EVL: variants seen among roughly 807,000 people sequenced by gnomAD.
EVL encodes Enah/Vasp-like.
In EVL, 21 loss-of-function variants were observed where a neutral mutation model predicts 59.6. The observed-to-expected ratio is 0.35, with a 90% CI of 0.25 to 0.51. The LOEUF (loss-of-function observed/expected upper bound fraction) is 0.51, where lower values mean the gene tolerates loss of function less well. Ranked by LOEUF, EVL falls within the 20% of genes least tolerant of loss-of-function variation. The pLI is 0.97. For synonymous variants in EVL, 198 were observed against 203.5 expected (o/e 0.97, Z 0.23); for missense variants, 462 against 546.6 (o/e 0.85, Z 1.54).
At chr14:100,098,396 G>A (rs986614789) in intron 3 of EVL, among the ~76,000 whole-genome samples, 5 of 152,120 alleles carry the variant, frequency 3.3e-5, no homozygotes, top group Admixed American at 1.3e-4. Flanking sequence ...GGAAGAGGGC[G>A]ATGCAGCATT....
chr14:100,005,379 T>C (rs1595557099), intron 1 of EVL, among the ~76,000 whole-genome samples: 1 of 152,176 alleles, frequency 6.6e-6, no homozygotes, highest in Non-Finnish European at 1.5e-5. Context: ...TTAAAAATTA[T>C]ACAAGCAAAG....
chr14:100,037,724 C>T lies in EVL; in HGVS notation c.6-46963C>T, dbSNP rs140400071. Among the ~76,000 whole-genome samples the T allele has an allele frequency of 2.7e-3, 406 of 152,318 alleles. 2 individuals are homozygous for T. The highest frequency in any genetic ancestry group is 9.7e-3 in the African/African-American group (403 of 41,554). Reference sequence around the variant, plus strand: ...ACATGGTATTTACCTTTCGCTTCCCCAGAGCAGACATGGCCAGTTCCCTTG... The same window carrying T: ...ACATGGTATTTACCTTTCGCTTCCCTAGAGCAGACATGGCCAGTTCCCTTG... On this transcript the variant is annotated intron_variant, in intron 1 of 13. Transcript: ENST00000402714.
At chr14:99,982,344 C>G (rs2060812415) in intron 1 of EVL, among the ~76,000 whole-genome samples, 1 of 152,108 alleles carries the variant, frequency 6.6e-6, no homozygotes, top group Non-Finnish European at 1.5e-5. Flanking sequence ...AGATGGTATA[C>G]TATAATTTAT....
In EVL at chr14:99,972,283, G is replaced by T. The variant is rs998170175; in HGVS notation, c.5+226G>T. ...AGCCGGGAGGGTCTGCAGGGCTTGTGGGGGGCAGTGTTCTGCAAGGGGCAG... is the reference window on the plus strand; with the variant it reads ...AGCCGGGAGGGTCTGCAGGGCTTGTTGGGGGCAGTGTTCTGCAAGGGGCAG... On this transcript the variant is annotated intron_variant, in intron 1 of 13. Transcript: ENST00000402714. This position sits in a 1 kb window ranked among gnomAD's most constrained non-coding sequence, Gnocchi z 4.4. 2.0e-5 allele frequency among the ~76,000 whole-genome samples: 3 copies of T among 152,126 alleles called. No individual in the cohort carries two copies. The highest frequency in any genetic ancestry group is 1.3e-4 in the Admixed American group (2 of 15,284).
In EVL at chr14:100,141,587, G is replaced by A. The variant is rs1324037933; in HGVS notation, c.1162-149G>A. The A allele has an allele frequency of 1.9e-5, 13 of 691,406 alleles. 1 individual carries two copies. Among genetic ancestry groups the A allele is most frequent in the South Asian group, 1.8e-4 (9 of 48,730 alleles). The allele number at this position is 691,406 out of a possible 1,614,324, so 42.8% of individuals were successfully genotyped here. On this transcript the variant is annotated intron_variant, in intron 12 of 13. Coordinates refer to ENST00000392920, the MANE Select transcript of EVL (RefSeq NM_016337.3). ...GCCTCCCATGCCGTCCCCCCTCAGC[G>A]TGGGAAGGGGGCCACGAGGAGACAA...
upstream of EVL, among the ~76,000 whole-genome samples, chr14:100,064,188 A>G (rs895701199): frequency 6.6e-6 from 1 of 150,970 alleles, no homozygotes; most frequent in Admixed American, 6.6e-5. Flanking sequence ...CTTCTTTTGT[A>G]CTGTACTCTG....
In EVL at chr14:100,130,841, A is replaced by C. The variant is rs112069862; in HGVS notation, c.839+1157A>C. Among the ~76,000 whole-genome samples, 4 of 152,214 alleles carry C rather than the reference A, an allele frequency of 2.6e-5. No individual in the cohort carries two copies. The highest frequency in any genetic ancestry group is 5.9e-5 in the Non-Finnish European group (4 of 68,044). On this transcript the variant is annotated intron_variant, in intron 7 of 13. Coordinates refer to ENST00000392920, the MANE Select transcript of EVL (RefSeq NM_016337.3). The surrounding 1 kb of genome is among the most constrained non-coding windows in gnomAD (Gnocchi z 4.8). ...CAGCACGGGCGTCTCCGGAGCCTCT[A>C]CTGGGCCTGGGCGTTTGTACATCGC...
At chr14:100,067,720 T>G (rs2061962043) in intron 1 of EVL, among the ~76,000 whole-genome samples, 1 of 152,204 alleles carries the variant, frequency 6.6e-6, no homozygotes, top group African/African-American at 2.4e-5. Context: ...ACAGATGCTT[T>G]GCCCTTTTGC....
chr14:100,031,556 T>C (rs1048573343), intron 1 of EVL, among the ~76,000 whole-genome samples: 3 of 152,192 alleles, frequency 2.0e-5, no homozygotes, highest in Non-Finnish European at 2.9e-5. Flanking sequence ...GTGTTAGAAG[T>C]GTGGCTTGTA....
rs1888175112 is a variant in EVL at position 100,127,834 on chromosome 14, G to A, written c.488-685G>A. The stretch of plus-strand genomic sequence containing the variant: ...TGCCCTTGGTAACACTTGTCAGCTT[G>A]CCACAGTCCTCCATCTGCGTTTACC... On this transcript the variant is annotated intron_variant, in intron 5 of 13. Transcript: ENST00000392920. The surrounding 1 kb of genome is among the most constrained non-coding windows in gnomAD (Gnocchi z 4.2). Among the ~76,000 whole-genome samples, 1 of 152,238 alleles carries A rather than the reference G, an allele frequency of 6.6e-6. No individual in the cohort carries two copies. Among genetic ancestry groups the A allele is most frequent in the South Asian group, 2.1e-4 (1 of 4,832 alleles).
chr14:100,129,710 T>TG, intron 7 of EVL, 26 bp downstream of exon 7: 1 of 1,531,114 alleles, frequency 6.5e-7, no homozygotes, highest in Non-Finnish European at 8.8e-7. Context: ...TCCCGAGACT[T>TG]GGTGTGCCTA....
intron 11 of EVL, chr14:100,139,990 A>G (rs1022609946): frequency 2.0e-5 from 3 of 152,206 alleles, no homozygotes; most frequent in African/African-American, 7.2e-5. Context: ...CGCGGTGCTC[A>G]TGCCTGTCAT....
rs925588995 is a variant in EVL, at chr14:100,019,686, A to C, written c.5+47629A>C. ...GGTCATGTTTGCATTTGAAGAATTC[A>C]GGTATGTTCTGGGCTTTCTACATCA... On this transcript the variant is annotated intron_variant, in intron 1 of 13. Coordinates refer to the EVL transcript ENST00000402714. The C allele has an allele frequency of 2.0e-6, 3 of 1,533,342 alleles. No individual in the cohort carries two copies. In the African/African-American group the frequency reaches 4.1e-5, roughly 21 times the overall value. The allele number at this position is 1,533,342 out of a possible 1,614,324, so 95.0% of individuals were successfully genotyped here.
At chr14:100,120,874 G>T (rs1180447422) in intron 3 of EVL, among the ~76,000 whole-genome samples, 1 of 152,208 alleles carries the variant, frequency 6.6e-6, no homozygotes, top group Non-Finnish European at 1.5e-5. Context: ...CGCCAAGGCT[G>T]CCAGGTGGCA....
chr14:100,141,778 G>A lies in EVL; in HGVS notation c.1204G>A (p.Glu402Lys). 1 of 1,613,390 alleles carries A rather than the reference G, an allele frequency of 6.2e-7. No homozygotes were observed. Among genetic ancestry groups the A allele is most frequent in the Non-Finnish European group, 8.5e-7 (1 of 1,179,962 alleles). Residue 402 changes from glutamate to lysine, a missense_variant, in exon 13 of 14, where the codon GAG becomes AAG. Coordinates refer to ENST00000392920, the MANE Select transcript of EVL (RefSeq NM_016337.3). ...GGTGAGAGAGCTCCACAAGGTGAAG[G>A]AGGAGATCATCGACGGTGAGTGCAG... is the stretch of plus-strand genomic sequence containing the variant. ...EVVRELHKVK[E>K]EIIDAIRQEL...
rs1167673105 is a variant in EVL at position 100,127,108 on chromosome 14, CAAG to C, written c.487+338_487+340del. Among the ~76,000 whole-genome samples the C allele has an allele frequency of 3.3e-5, 5 of 152,210 alleles. No individual in the cohort carries two copies. Among genetic ancestry groups the C allele is most frequent in the Admixed American group, 6.5e-5 (1 of 15,276 alleles). ...GCCCTCAGGAAGCCCGCTGTCCACT[CAAG>C]GAGACAGTGAACCCACCCTTGTCAT... is the stretch of plus-strand genomic sequence containing the variant. On this transcript the variant is annotated intron_variant, in intron 5 of 13. Transcript: ENST00000392920. The surrounding 1 kb of genome is among the most constrained non-coding windows in gnomAD (Gnocchi z 4.2).
At chr14:100,057,645 A>G (rs1009390866) in intron 1 of EVL, among the ~76,000 whole-genome samples, 1 of 152,196 alleles carries the variant, frequency 6.6e-6, no homozygotes, top group African/African-American at 2.4e-5. Flanking sequence ...GGAAAAGGCA[A>G]CTTTTAGCGT....
intron 1 of EVL, chr14:100,019,734 T>C (rs1169888639): frequency 6.6e-7 from 1 of 1,520,796 alleles, no homozygotes; most frequent in East Asian, 2.5e-5. Flanking sequence ...CTTTTTGTTC[T>C]CGCTAGGTTT....
intron 5 of EVL, 23 bp downstream of exon 5, chr14:100,126,794 GC>G: frequency 6.2e-7 from 1 of 1,611,032 alleles, no homozygotes; most frequent in East Asian, 2.2e-5. Flanking sequence ...CTCCCCTAGG[GC>G]CGACTCCCAT....
Sources: gnomAD v4.1 joint callset for allele counts (sites outside exome capture counted in the v4.1 genomes callset) on GRCh38, gnomAD v4.1.1 for gene constraint, Gnocchi (gnomAD v3.1) non-coding constraint, MANE v1.5 for transcripts, NCBI Gene and HGNC (gene_info 2026-07-23, HGNC 2026-07-21) for gene names.